STOX1: variants seen among roughly 807,000 people sequenced by gnomAD.
STOX1 encodes the protein storkhead box 1.
A neutral mutation model predicts 74.8 loss-of-function variants in STOX1; 57 were observed. That is an observed-to-expected ratio of 0.76 (90% CI 0.62 to 0.95). The LOEUF is 0.95. Ranked by LOEUF, STOX1 falls within the 40% of genes least tolerant of loss-of-function variation. STOX1 has a pLI of 0.00. For synonymous variants in STOX1, 375 were observed against 401.3 expected, an observed-to-expected ratio of 0.93 and a Z score of 0.78; for missense variants, 1,010 against 1,117.0, an observed-to-expected ratio of 0.90 and a Z score of 1.37.
In STOX1 at chr10:68,873,820, T is replaced by C. The variant is rs183746014; in HGVS notation, c.311-8138T>C. ...CGCCCGCCACCATGCCCAGCTAATTTTTGTATTTTTAGTAGAGACTGGGTT... is the reference window on the plus strand; with the variant it reads ...CGCCCGCCACCATGCCCAGCTAATTCTTGTATTTTTAGTAGAGACTGGGTT... On this transcript the variant is annotated intron_variant, in intron 1 of 3. Coordinates refer to ENST00000298596, the MANE Select transcript of STOX1 (RefSeq NM_152709.5). Among the ~76,000 whole-genome samples the C allele has an allele frequency of 2.0e-3, 304 of 150,914 alleles. 6 individuals are homozygous for C. In the East Asian group the frequency reaches 0.04, roughly 20 times the overall value.
At chr10:68,872,155 T>C (rs551476744) in intron 1 of STOX1, among the ~76,000 whole-genome samples, 42 of 152,164 alleles carry the variant, frequency 2.8e-4, no homozygotes, top group South Asian at 1.0e-3. Context: ...GTCTGGGTAA[T>C]TAGTTGAGTT....
intron 1 of STOX1, among the ~76,000 whole-genome samples, chr10:68,838,402 A>G (rs1589215927): frequency 6.6e-6 from 1 of 152,166 alleles, no homozygotes; most frequent in Non-Finnish European, 1.5e-5. Flanking sequence ...GTTAATGTAT[A>G]GAAATGCAAC....
chr10:68,862,022 A>G (rs1159140004), intron 1 of STOX1, among the ~76,000 whole-genome samples: 1 of 152,068 alleles, frequency 6.6e-6, no homozygotes, highest in African/African-American at 2.4e-5. Flanking sequence ...GTGGGTGATC[A>G]TTGATTTGAT....
chr10:68,844,597 C>T (rs1189919791), intron 1 of STOX1, among the ~76,000 whole-genome samples: 1 of 152,116 alleles, frequency 6.6e-6, no homozygotes, highest in African/African-American at 2.4e-5. Flanking sequence ...CCATGCCTCG[C>T]CTGTATCTTC....
intron 1 of STOX1, among the ~76,000 whole-genome samples, chr10:68,861,123 A>C (rs1840256764): frequency 6.6e-6 from 1 of 152,032 alleles, no homozygotes; most frequent in South Asian, 2.1e-4. Flanking sequence ...GGAGACCCCA[A>C]CCCAGCAGTG....
At chr10:68,833,180 G>A (rs1488433081) in intron 1 of STOX1, among the ~76,000 whole-genome samples, 2 of 149,848 alleles carry the variant, frequency 1.3e-5, no homozygotes, top group East Asian at 3.9e-4. Context: ...CTGCTTCCCA[G>A]GTTCAAGGGA....
intron 1 of STOX1, among the ~76,000 whole-genome samples, chr10:68,866,014 G>T (rs1384439461): frequency 6.6e-6 from 1 of 151,854 alleles, no homozygotes; most frequent in East Asian, 1.9e-4. Context: ...GCTTGAAGTG[G>T]TTCCTTCAAA....
chr10:68,853,088 A>C (rs1840030347), intron 1 of STOX1, among the ~76,000 whole-genome samples: 1 of 151,854 alleles, frequency 6.6e-6, no homozygotes, highest in South Asian at 2.1e-4. Flanking sequence ...ATGCCCAGCT[A>C]ATTTTTTGTT....
chr10:68,836,795 A>C (rs1399975927), intron 1 of STOX1, among the ~76,000 whole-genome samples: 1 of 152,092 alleles, frequency 6.6e-6, no homozygotes, highest in African/African-American at 2.4e-5. Flanking sequence ...CCCTGGCCTC[A>C]CCTGGGTCAG....
chr10:68,835,903 G>T (rs778684702), intron 1 of STOX1, among the ~76,000 whole-genome samples: 1 of 152,064 alleles, frequency 6.6e-6, no homozygotes, highest in African/African-American at 2.4e-5. Flanking sequence ...ATGGAGTCTC[G>T]CTCTGTCGCC....
intron 1 of STOX1, among the ~76,000 whole-genome samples, chr10:68,859,017 C>T (rs538800801): frequency 1.3e-5 from 2 of 152,100 alleles, no homozygotes; most frequent in Non-Finnish European, 2.9e-5. Context: ...CACACCAACC[C>T]TGCCCACAGA....
At chr10:68,870,781 G>A (rs1447242533) in intron 1 of STOX1, among the ~76,000 whole-genome samples, 1 of 152,200 alleles carries the variant, frequency 6.6e-6, no homozygotes, top group Non-Finnish European at 1.5e-5. Context: ...CCATCTGACA[G>A]TCATCAAGGA....
At position 68,834,219 on chromosome 10, in the gene STOX1, C is replaced by G. The variant is rs191510492; in HGVS notation, c.310+6286C>G. Among the ~76,000 whole-genome samples the G allele has an allele frequency of 2.6e-5, 4 of 152,306 alleles. No individual in the cohort carries two copies. The East Asian group carries it at 7.7e-4, about 29-fold the overall frequency. The stretch of plus-strand genomic sequence containing the variant: ...ACAGAGAAATATTCAGGCAAAATTG[C>G]AAGTACTCTAGGAGTGTAGAGTGTA... On this transcript the variant is annotated intron_variant, in intron 1 of 3. Transcript: ENST00000298596.
intron 1 of STOX1, among the ~76,000 whole-genome samples, chr10:68,832,772 T>C (rs1167989006): frequency 6.6e-6 from 1 of 152,116 alleles, no homozygotes; most frequent in African/African-American, 2.4e-5. Flanking sequence ...TGTGTTTTGT[T>C]TTTTGTTTTG....
chr10:68,855,839 A>G (rs556771258), intron 1 of STOX1, among the ~76,000 whole-genome samples: 2 of 152,050 alleles, frequency 1.3e-5, no homozygotes, highest in Middle Eastern at 3.4e-3. Context: ...ATTCAGCCCA[A>G]ATAATTCAGG....
At chr10:68,849,632 C>T (rs890037336) in intron 1 of STOX1, among the ~76,000 whole-genome samples, 3 of 152,070 alleles carry the variant, frequency 2.0e-5, no homozygotes, top group African/African-American at 7.2e-5. Context: ...CCTGCCCGGC[C>T]TTGTGCACAA....
intron 3 of STOX1, among the ~76,000 whole-genome samples, chr10:68,891,654 T>C (rs1841100865): frequency 6.6e-6 from 1 of 151,580 alleles, no homozygotes; most frequent in Non-Finnish European, 1.5e-5. Flanking sequence ...ATACAAAAAT[T>C]AGCCAGGCGT....
rs556325643 is a variant in STOX1, at chr10:68,872,606, C to T, written c.311-9352C>T. On this transcript the variant is annotated intron_variant, in intron 1 of 3. Transcript: ENST00000298596. Reference sequence around the variant, plus strand: ...AGGTGATTGGCCCACCTTGGCCTCCCAAAGTGTTGGGATTACAGGCGTGAG... The same window carrying T: ...AGGTGATTGGCCCACCTTGGCCTCCTAAAGTGTTGGGATTACAGGCGTGAG... 1.6e-3 allele frequency among the ~76,000 whole-genome samples: 243 copies of T among 152,230 alleles called. 3 individuals are homozygous for T. The highest frequency in any genetic ancestry group is 7.7e-3 in the South Asian group (37 of 4,820).
In STOX1 at chr10:68,884,471, G is replaced by A; in HGVS notation, c.675G>A (p.Glu225=). ...CCATGACATATCTGGTGAGCATGGA[G>A]AGCTGTGCAGAGTCAGCCCAAGAGA... ...PASMTYLVSM[E]SCAESAQENA... Residue 225 remains glutamate (E), a synonymous_variant, in exon 3 of 4, where the codon GAG becomes GAA. Transcript: ENST00000298596. The A allele has an allele frequency of 6.2e-7, 1 of 1,613,832 alleles. No homozygotes were observed. The highest frequency in any genetic ancestry group is 8.5e-7 in the Non-Finnish European group (1 of 1,180,038).
Sources: gnomAD v4.1 joint callset for allele counts (sites outside exome capture counted in the v4.1 genomes callset) on GRCh38, gnomAD v4.1.1 for gene constraint, MANE v1.5 for transcripts, NCBI Gene and HGNC (gene_info 2026-07-23, HGNC 2026-07-21) for gene names.